ASTL: variants seen among roughly 807,000 people sequenced by gnomAD.
ASTL encodes astacin-like metalloendopeptidase.
In ASTL, 27 loss-of-function variants were observed where a neutral mutation model predicts 36.7. That is an observed-to-expected ratio of 0.73 (90% confidence interval 0.54 to 1.01). The LOEUF is 1.01. Among genes scored for constraint, ASTL ranks in the 50% least tolerant of loss-of-function variants. The pLI, the probability that ASTL is intolerant of heterozygous loss-of-function variation, is 0.00. For synonymous variants in ASTL, 222 were observed against 228.1 expected, an observed-to-expected ratio of 0.97 and a Z score of 0.24; for missense variants, 524 against 572.8, an observed-to-expected ratio of 0.91 and a Z score of 0.87.
At position 96,134,047 on chromosome 2, in the gene ASTL, T is replaced by C. The variant is rs1342168843; in HGVS notation, c.255A>G (p.Arg85=). The C allele has an allele frequency of 5.0e-6, 8 of 1,612,770 alleles. No individual in the cohort carries two copies. The highest frequency in any genetic ancestry group is 6.8e-6 in the Non-Finnish European group (8 of 1,179,004). ...EGDIIRPSPF[R]LLSATSNKWP... ...ATTTGTTGCTGGTTGCTGACAGCAGTCGGAAGGGACTCTGAGGAGAGAGCA... is the reference window on the plus strand; with the variant it reads ...ATTTGTTGCTGGTTGCTGACAGCAGCCGGAAGGGACTCTGAGGAGAGAGCA... Residue 85 remains arginine (R), a synonymous_variant, in exon 4 of 9, where the codon CGA becomes CGG. Transcript: ENST00000342380.
In ASTL at chr2:96,133,464, T is replaced by C. The variant is rs1465747255; in HGVS notation, c.416A>G (p.Gln139Arg). 1 of 1,614,066 alleles carries C rather than the reference T, an allele frequency of 6.2e-7. No individual in the cohort carries two copies. The highest frequency in any genetic ancestry group is 2.2e-5 in the East Asian group (1 of 44,892). ...GATGGAAATGAAGTCTCTCTGGTCC[T>C]GATAGGTGACAAACCTGATGCACGT... ...RSTCIRFVTY[Q>R]DQRDFISIIP... The change falls in exon 5 of 9, where the codon CAG becomes CGG. Residue 139 changes from glutamine to arginine, a missense_variant. Gln to Arg is a conservative substitution (Grantham distance 43). Transcript: ENST00000342380.
In ASTL at chr2:96,124,172, G is replaced by A. The variant is rs1328496914; in HGVS notation, c.974C>T (p.Pro325Leu). The A allele has an allele frequency of 2.6e-6, 4 of 1,541,698 alleles. No individual in the cohort carries two copies. The South Asian group carries it at 5.1e-5, about 20-fold the overall frequency. The change falls in exon 9 of 9, where the codon CCC (proline) becomes CTC (leucine). Residue 325 changes from proline to leucine, a missense_variant. By Grantham distance (98) the Pro-to-Leu change is moderately conservative (BLOSUM62 -3). Transcript: ENST00000342380. The surrounding 1 kb of genome is among the most constrained non-coding windows in gnomAD (Gnocchi z 4.1). ...ALSAESRSPD[P>L]SGSSAGGQPV... Reference sequence around the variant, plus strand: ...CTGGCCTCCCGCACTGGAACCACTGGGGTCGGGGCTCCTGGATTCCGCCGA... The same window carrying A: ...CTGGCCTCCCGCACTGGAACCACTGAGGTCGGGGCTCCTGGATTCCGCCGA...
intron 8 of ASTL, 43 bp downstream of exon 8, chr2:96,129,781 C>G: frequency 6.6e-7 from 1 of 1,503,866 alleles, no homozygotes; most frequent in South Asian, 1.4e-5. Context: ...AGAGCACAGG[C>G]GCCTTCTCCA....
intron 7 of ASTL, 30 bp from the exon 8 acceptor site, chr2:96,130,008 A>G: frequency 1.2e-6 from 2 of 1,612,328 alleles, no homozygotes; most frequent in Non-Finnish European, 1.7e-6. Context: ...CCCTGAGTCC[A>G]GATCACCACG....
chr2:96,137,729 G>A, intron 1 of ASTL, 29 bp from the exon 2 acceptor site: 1 of 1,593,806 alleles, frequency 6.3e-7, no homozygotes, highest in Non-Finnish European at 8.6e-7. Context: ...GGCATACACA[G>A]ATGCCTGGAG....
intron 1 of ASTL, among the ~76,000 whole-genome samples, 161 bp downstream of exon 1, chr2:96,138,221 G>GC (rs1488125534): frequency 6.6e-6 from 1 of 152,130 alleles, no homozygotes; most frequent in African/African-American, 2.4e-5. Context: ...CCTCCCCTTG[G>GC]CCCCCCAGGA....
chr2:96,125,426 C>G (rs577812738), intron 8 of ASTL, among the ~76,000 whole-genome samples: 1 of 152,322 alleles, frequency 6.6e-6, no homozygotes, highest in South Asian at 2.1e-4. Flanking sequence ...TCTTCCTTCC[C>G]ACTAGATCCA....
At chr2:96,131,014 G>T (rs1255581659) in intron 6 of ASTL, among the ~76,000 whole-genome samples, 1 of 152,118 alleles carries the variant, frequency 6.6e-6, no homozygotes, top group Non-Finnish European at 1.5e-5. Context: ...TTCTGTACAT[G>T]TTAACCTAAT....
Position 96,132,747 on chromosome 2 carries a change from G to T in ASTL, c.456-26C>A, listed in dbSNP as rs1373929668. ...CTGCAGGGTGATGAGAGCAAGTGGG[G>T]TAAGTGCCAGCCCAGATCCCTCCGG... On this transcript the variant is annotated intron_variant, in intron 5 of 8. Transcript: ENST00000342380. This position sits in a 1 kb window ranked among gnomAD's most constrained non-coding sequence, Gnocchi z 5.4. The T allele has an allele frequency of 4.4e-6, 7 of 1,591,648 alleles. No individual in the cohort carries two copies. Among genetic ancestry groups the T allele is most frequent in the Non-Finnish European group, 5.2e-6 (6 of 1,163,472 alleles).
At position 96,132,676 on chromosome 2, in the gene ASTL, G is replaced by A. The variant is rs2104772896; in HGVS notation, c.501C>T (p.Ser167=). The change falls in exon 6 of 9, where the codon TCC becomes TCT. Residue 167 remains serine (S), a synonymous_variant. Coordinates refer to ENST00000342380, the MANE Select transcript of ASTL (RefSeq NM_001002036.4). This position sits in a 1 kb window ranked among gnomAD's most constrained non-coding sequence, Gnocchi z 5.4. ...CCTTCTGGAGACACGTGGGCGCCAG[G>A]GAGACCACCTGCATCCCTCCACTGC... ...VGRSGGMQVV[S]LAPTCLQKGR... 1.2e-6 allele frequency: 2 copies of A among 1,613,186 alleles called. No homozygotes were observed. Among genetic ancestry groups the A allele is most frequent in the Non-Finnish European group, 1.7e-6 (2 of 1,179,494 alleles).
chr2:96,133,361 C>CTAATTTAGA, intron 5 of ASTL, 64 bp downstream of exon 5: 1 of 1,154,896 alleles, frequency 8.7e-7, no homozygotes, highest in South Asian at 1.2e-5. Context: ...TAGACAATGG[C>CTAATTTAGA]CAAGTTAATT....
At chr2:96,133,366 T>C in intron 5 of ASTL, 59 bp downstream of exon 5, 1 of 1,196,480 alleles carries the variant, frequency 8.4e-7, no homozygotes, top group South Asian at 1.2e-5. Flanking sequence ...AATGGCCAAG[T>C]TAATTCCGGG....
In ASTL at chr2:96,124,400, G is replaced by C; in HGVS notation, c.875-129C>G. 1 of 748,282 alleles carries C rather than the reference G, an allele frequency of 1.3e-6. No homozygotes were observed. 46.4% of individuals were successfully genotyped at this position (748,282 alleles called of 1,614,324 possible). A position where few individuals can be genotyped will look rare whatever the true frequency, so the allele number is the denominator to read the frequency against. ...CCATGCCACGGCCTAGTGCATCCAAGACCCAGATTCCCACCCTACCAGAGA... is the reference window on the plus strand; with the variant it reads ...CCATGCCACGGCCTAGTGCATCCAACACCCAGATTCCCACCCTACCAGAGA... On this transcript the variant is annotated intron_variant, in intron 8 of 8. Coordinates refer to ENST00000342380, the MANE Select transcript of ASTL (RefSeq NM_001002036.4). The surrounding 1 kb of genome is among the most constrained non-coding windows in gnomAD (Gnocchi z 4.1).
intron 8 of ASTL, among the ~76,000 whole-genome samples, chr2:96,126,855 C>CAA (rs768527639): frequency 5.1e-5 from 6 of 117,810 alleles, no homozygotes; most frequent in Non-Finnish European, 9.0e-5. Context: ...GACTCCATCT[C>CAA]AAAAAAAAAA....
intron 1 of ASTL, 156 bp from the exon 2 acceptor site, chr2:96,137,856 C>A (rs548391788): frequency 4.3e-4 from 300 of 700,610 alleles, no homozygotes; most frequent in Non-Finnish European, 6.2e-4. Context: ...TTCCCAGCCT[C>A]CCTGCTCAAC....
In ASTL at chr2:96,130,272, C is replaced by T. The variant is rs141509342; in HGVS notation, c.638-127G>A. The T allele has an allele frequency of 3.9e-5, 28 of 720,144 alleles. No homozygotes were observed. The African/African-American group carries it at 4.7e-4, about 12-fold the overall frequency. The allele number at this position is 720,144 out of a possible 1,614,324, so 44.6% of individuals were successfully genotyped here. On this transcript the variant is annotated intron_variant, in intron 6 of 8. Transcript: ENST00000342380. ...CAAGCTGAGGGGCTGAGCCCACAGC[C>T]ACCATGCTGCTTCTGGTACCAGTCC...
In ASTL at chr2:96,132,670, C is replaced by G; in HGVS notation, c.507G>C (p.Ala169=). The change falls in exon 6 of 9, where the codon GCG becomes GCC. Residue 169 remains alanine (A), a synonymous_variant. Transcript: ENST00000342380. The surrounding 1 kb of genome is among the most constrained non-coding windows in gnomAD (Gnocchi z 5.4). ...RSGGMQVVSL[A]PTCLQKGRGI... ...CCCGGCCCTTCTGGAGACACGTGGG[C>G]GCCAGGGAGACCACCTGCATCCCTC... 3 of 1,613,146 alleles carry G rather than the reference C, an allele frequency of 1.9e-6. No homozygotes were observed. The highest frequency in any genetic ancestry group is 8.5e-7 in the Non-Finnish European group (1 of 1,179,492).
intron 4 of ASTL, 115 bp from the exon 5 acceptor site, chr2:96,133,657 A>G: frequency 2.5e-6 from 2 of 794,408 alleles, no homozygotes; most frequent in East Asian, 2.5e-5. Flanking sequence ...AAGAAAGGGC[A>G]GCTTAGTGGT....
At chr2:96,125,969 T>C (rs1410313839) in intron 8 of ASTL, among the ~76,000 whole-genome samples, 4 of 152,122 alleles carry the variant, frequency 2.6e-5, no homozygotes, top group African/African-American at 9.7e-5. Flanking sequence ...AGAATGGTGC[T>C]GGAACAACTG....
Sources: gnomAD v4.1 joint callset for allele counts (sites outside exome capture counted in the v4.1 genomes callset) on GRCh38, gnomAD v4.1.1 for gene constraint, Gnocchi (gnomAD v3.1) non-coding constraint, MANE v1.5 for transcripts, NCBI Gene and HGNC (gene_info 2026-07-23, HGNC 2026-07-21) for gene names.